The following PRCP variants were observed in gnomAD, a reference collection of about 807,000 sequenced individuals.
PRCP encodes the protein lysosomal Pro-X carboxypeptidase.
PRCP carries 46 observed loss-of-function variants against 54.2 expected under a neutral mutation model. The observed-to-expected ratio is 0.85, with a 90% CI of 0.67 to 1.09. The LOEUF (loss-of-function observed/expected upper bound fraction) is 1.09. Among genes scored for constraint, PRCP ranks in the 50% least tolerant of loss-of-function variants. The probability of loss-of-function intolerance (pLI) is 0.00; values close to 1 mark genes in which losing one functional copy is unlikely to be tolerated. For missense variants in PRCP, 613 were observed against 596.8 expected (o/e 1.03, Z -0.28); for synonymous variants, 240 against 212.2 (o/e 1.13, Z -1.14).
intron 2 of PRCP, among the ~76,000 whole-genome samples, chr11:82,854,908 A>G (rs1859045563): frequency 6.6e-6 from 1 of 152,222 alleles, no homozygotes; most frequent in South Asian, 2.1e-4. Context: ...GTCAACAATA[A>G]CAAGCAATGG....
chr11:82,900,411 C>A lies in PRCP; in HGVS notation c.-9G>T, dbSNP rs2121297571. 6.2e-7 allele frequency: 1 copy of A among 1,612,706 alleles called. No homozygotes were observed. Among genetic ancestry groups the A allele is most frequent in the East Asian group, 2.2e-5 (1 of 44,886 alleles). Reference sequence around the variant, plus strand: ...AGGGCTCGGCGGCCCATGGCTCAGGCTGGAGACTGCAGTGCGGGTGGGAGG... The same window carrying A: ...AGGGCTCGGCGGCCCATGGCTCAGGATGGAGACTGCAGTGCGGGTGGGAGG... On this transcript the variant is annotated 5_prime_UTR_variant, in exon 1 of 9. Transcript: ENST00000313010.
At chr11:82,855,377 G>T (rs974778592) in intron 2 of PRCP, among the ~76,000 whole-genome samples, 4 of 152,190 alleles carry the variant, frequency 2.6e-5, no homozygotes, top group African/African-American at 7.2e-5. Context: ...CCAGCACTTT[G>T]GGAGGCTGAG....
intron 8 of PRCP, among the ~76,000 whole-genome samples, chr11:82,837,797 T>C (rs1426744977): frequency 2.6e-5 from 4 of 152,172 alleles, no homozygotes; most frequent in Admixed American, 2.6e-4. Flanking sequence ...AACAGTGTAA[T>C]GTAGAAAAAC....
intron 1 of PRCP, among the ~76,000 whole-genome samples, chr11:82,893,819 C>A (rs1860056940): frequency 6.6e-6 from 1 of 152,120 alleles, no homozygotes; most frequent in South Asian, 2.1e-4. Flanking sequence ...AAGGATAGTT[C>A]TCTTGCCTAC....
At chr11:82,843,338 A>G (rs1173005729) in intron 6 of PRCP, 1 of 152,160 alleles carries the variant, frequency 6.6e-6, no homozygotes, top group Non-Finnish European at 1.5e-5. Flanking sequence ...GTAGTTTAAA[A>G]GGAGATATTC....
At chr11:82,898,364 G>A (rs886792396) in intron 1 of PRCP, among the ~76,000 whole-genome samples, 4 of 152,124 alleles carry the variant, frequency 2.6e-5, no homozygotes, top group African/African-American at 9.7e-5. Context: ...CTACAATAAA[G>A]GAACATAAAT....
intron 1 of PRCP, among the ~76,000 whole-genome samples, chr11:82,875,995 C>CA (rs1193238175): frequency 1.3e-5 from 2 of 151,522 alleles, no homozygotes; most frequent in East Asian, 3.9e-4. Context: ...CGCATCATTA[C>CA]AAAAAAAAAT....
intron 1 of PRCP, chr11:82,884,706 A>C (rs1415207659): frequency 3.5e-6 from 5 of 1,428,838 alleles, no homozygotes; most frequent in Non-Finnish European, 4.8e-6. Flanking sequence ...GAAAAAGAAG[A>C]GAATTTGCAG....
At chr11:82,862,493 C>G (rs1859230455) in intron 1 of PRCP, among the ~76,000 whole-genome samples, 1 of 152,158 alleles carries the variant, frequency 6.6e-6, no homozygotes, top group South Asian at 2.1e-4. Context: ...TCCAGTCTCC[C>G]AGGAACAGTG....
chr11:82,839,774 T>C (rs554667720), intron 6 of PRCP: 10 of 230,894 alleles, frequency 4.3e-5, no homozygotes, highest in Non-Finnish European at 7.6e-5. Flanking sequence ...GAAACACTGT[T>C]TTCCAACTCC....
At chr11:82,895,584 C>A (rs1860100733) in intron 1 of PRCP, among the ~76,000 whole-genome samples, 1 of 152,104 alleles carries the variant, frequency 6.6e-6, no homozygotes, top group African/African-American at 2.4e-5. Flanking sequence ...CTCTAAGGCC[C>A]CTTCTAAAAA....
chr11:82,867,109 A>G (rs1859356293), intron 1 of PRCP, among the ~76,000 whole-genome samples: 1 of 152,224 alleles, frequency 6.6e-6, no homozygotes, highest in South Asian at 2.1e-4. Flanking sequence ...CTTAATGTTA[A>G]AATTATCACA....
chr11:82,876,822 C>G (rs1859614233), intron 1 of PRCP, among the ~76,000 whole-genome samples: 1 of 152,064 alleles, frequency 6.6e-6, no homozygotes, highest in Non-Finnish European at 1.5e-5. Context: ...AAATTGGTAC[C>G]AGTAGAGTGG....
Position 82,849,905 on chromosome 11 carries a change from A to G in PRCP, c.751+9T>C. ...AACACACAATTCCATTCTCTTAATT[A>G]AAGCTTACCAGTATTTGAGAGTCGA... On this transcript the variant is annotated intron_variant, in intron 5 of 8. Transcript: ENST00000313010. The G allele has an allele frequency of 6.9e-7, 1 of 1,445,270 alleles. No individual in the cohort carries two copies. Among genetic ancestry groups the G allele is most frequent in the African/African-American group, 1.5e-5 (1 of 68,484 alleles). 89.5% of individuals were successfully genotyped at this position (1,445,270 alleles called of 1,614,324 possible).
chr11:82,825,549 G>A (rs1858206791), intron 8 of PRCP: 2 of 167,896 alleles, frequency 1.2e-5, no homozygotes, highest in Non-Finnish European at 1.3e-5. Context: ...ATGGTGAATC[G>A]CTTAAGCCCA....
rs964889172 is a variant in PRCP, at chr11:82,882,219, T to C, written c.168+18016A>G. Among the ~76,000 whole-genome samples the C allele has an allele frequency of 5.9e-5, 9 of 152,172 alleles. No individual in the cohort carries two copies. In the South Asian group the frequency reaches 1.5e-3, roughly 25 times the overall value. ...TGAAAGGGGAGACAGAAGAGATGTA[T>C]TGAAAAAAAACGTTTATAAGTGGAC... On this transcript the variant is annotated intron_variant, in intron 1 of 8. Coordinates refer to ENST00000313010, the MANE Select transcript of PRCP (RefSeq NM_005040.4).
At chr11:82,860,431 C>G (rs941475072) in intron 1 of PRCP, among the ~76,000 whole-genome samples, 16 of 151,628 alleles carry the variant, frequency 1.1e-4, no homozygotes, top group African/African-American at 2.9e-4. Context: ...CAATGTGAAC[C>G]CTTTTTTAAT....
At chr11:82,865,132 G>A (rs1042514718) in intron 1 of PRCP, among the ~76,000 whole-genome samples, 1 of 152,100 alleles carries the variant, frequency 6.6e-6, no homozygotes, top group South Asian at 2.1e-4. Context: ...TGCTCAGAGA[G>A]GTCAGAGAGC....
intron 1 of PRCP, among the ~76,000 whole-genome samples, chr11:82,867,335 G>A (rs1337236096): frequency 6.6e-6 from 1 of 151,982 alleles, no homozygotes; most frequent in Non-Finnish European, 1.5e-5. Context: ...GCCCAGAGGG[G>A]GAATTGCTAA....
Sources: gnomAD v4.1 joint callset for allele counts (sites outside exome capture counted in the v4.1 genomes callset) on GRCh38, gnomAD v4.1.1 for gene constraint, MANE v1.5 for transcripts, NCBI Gene and HGNC (gene_info 2026-07-23, HGNC 2026-07-21) for gene names.